The following AFF2 variants were observed in gnomAD, a reference collection of about 807,000 sequenced individuals.
The protein encoded by AFF2 is ALF transcription elongation factor 2, also known as AF4/FMR2 family member 2.
In AFF2, 14 loss-of-function variants were observed where a neutral mutation model predicts 76.9. That is an observed-to-expected ratio of 0.18 (90% CI 0.12 to 0.28). AFF2 has a LOEUF of 0.28. Among genes scored for constraint, AFF2 ranks in the 10% least tolerant of loss-of-function variants. The pLI is 1.00. For synonymous variants in AFF2, 398 were observed against 366.7 expected, an observed-to-expected ratio of 1.09 and a Z score of -0.98; for missense variants, 868 against 1,001.1, an observed-to-expected ratio of 0.87 and a Z score of 1.79.
intron 3 of AFF2, among the ~76,000 whole-genome samples, chrX:148,758,658 ATAT>A (rs782104235): frequency 2.7e-5 from 3 of 111,799 alleles, no homozygotes; most frequent in Non-Finnish European, 5.6e-5. Context: ...CCTTCTATAA[ATAT>A]TATAGAACGT....
chrX:148,510,546 C>T (rs2052471728), intron 1 of AFF2, among the ~76,000 whole-genome samples: 1 of 111,639 alleles, frequency 9.0e-6, no homozygotes, highest in African/African-American at 3.3e-5. Flanking sequence ...AGGACTTTAC[C>T]ACTCATCCTT....
intron 9 of AFF2, among the ~76,000 whole-genome samples, chrX:148,935,647 AGACGGGAAATCAG>A (rs1475252355): frequency 8.9e-6 from 1 of 111,770 alleles, no homozygotes; most frequent in African/African-American, 3.2e-5. Flanking sequence ...CCTAAAGGCC[AGACGGGAAATCAG>A]GACTTGGAAT....
intron 3 of AFF2, among the ~76,000 whole-genome samples, chrX:148,763,140 G>A (rs2069472135): frequency 8.9e-6 from 1 of 112,052 alleles, no homozygotes; most frequent in South Asian, 3.6e-4. Flanking sequence ...CATTTTATAG[G>A]TTAAAGGTAT....
intron 3 of AFF2, among the ~76,000 whole-genome samples, chrX:148,705,306 C>A (rs1213782080): frequency 6.2e-5 from 7 of 112,236 alleles, no homozygotes; most frequent in Admixed American, 5.7e-4. Flanking sequence ...TATAATTGCA[C>A]AAAGTCAAGG....
At chrX:148,559,487 A>G in intron 1 of AFF2, among the ~76,000 whole-genome samples, 1 of 110,918 alleles carries the variant, frequency 9.0e-6, no homozygotes, top group Non-Finnish European at 1.9e-5. Flanking sequence ...ATGTGTTCTC[A>G]TTGTTCAACA....
At chrX:148,899,045 A>G (rs782333961) in intron 8 of AFF2, among the ~76,000 whole-genome samples, 1 of 111,981 alleles carries the variant, frequency 8.9e-6, no homozygotes, top group Non-Finnish European at 1.9e-5. Context: ...TCAGGCATCC[A>G]TAATAATGGT....
At chrX:148,501,406 T>A (rs1557231831) in intron 1 of AFF2, among the ~76,000 whole-genome samples, 1 of 112,493 alleles carries the variant, frequency 8.9e-6, no homozygotes, top group Non-Finnish European at 1.9e-5. Flanking sequence ...TTGGCTCACA[T>A]CGAATTCGGT....
chrX:148,920,087 AG>A (rs1815841504), intron 9 of AFF2, among the ~76,000 whole-genome samples: 1 of 112,379 alleles, frequency 8.9e-6, no homozygotes, highest in South Asian at 3.7e-4. Context: ...TACAGTGTCC[AG>A]GTTAAGTCAA....
chrX:148,542,772 A>G (rs1381024445), intron 1 of AFF2, among the ~76,000 whole-genome samples: 1 of 112,146 alleles, frequency 8.9e-6, no homozygotes, highest in Non-Finnish European at 1.9e-5. Context: ...GCTAGAGCCT[A>G]GAGCGAGGAG....
rs781986258 is a variant in AFF2 at position 148,559,574 on chromosome X, G to A, written c.47+58430G>A. ...TTTGCTGAGAATGATGGTTTCCAGC[G>A]TCATCCATGTCCCTGCAAAGGACAT... On this transcript the variant is annotated intron_variant, in intron 1 of 20. Coordinates refer to ENST00000370460, the MANE Select transcript of AFF2 (RefSeq NM_002025.4). Among the ~76,000 whole-genome samples, 262 of 111,078 alleles carry A rather than the reference G, an allele frequency of 2.4e-3. 2 individuals are homozygous for A. The highest frequency in any genetic ancestry group is 3.7e-3 in the East Asian group (13 of 3,508).
In AFF2 at chrX:148,987,348, G is replaced by A; in HGVS notation, c.3624-19G>A. The A allele has an allele frequency of 1.7e-6, 2 of 1,195,709 alleles. No homozygotes were observed. On this transcript the variant is annotated intron_variant, in intron 19 of 20. Coordinates refer to ENST00000370460, the MANE Select transcript of AFF2 (RefSeq NM_002025.4). ...CTTTCCTACCAGCCTAACAAGGCTT[G>A]TCTCTTTCCATTTCCCAGGAACACT...
intron 9 of AFF2, among the ~76,000 whole-genome samples, chrX:148,944,167 G>A (rs913011555): frequency 8.9e-6 from 1 of 112,261 alleles, no homozygotes; most frequent in African/African-American, 3.2e-5. Context: ...AATTCAGCCC[G>A]CCATCTGCCT....
intron 7 of AFF2, among the ~76,000 whole-genome samples, chrX:148,870,031 A>G (rs1557277208): frequency 9.0e-6 from 1 of 111,410 alleles, no homozygotes; most frequent in Non-Finnish European, 1.9e-5. Context: ...GTAGGAACGC[A>G]ATTCACCCCC....
Position 148,530,790 on chromosome X carries a change from A to G in AFF2, c.47+29646A>G, listed in dbSNP as rs1348622487. Reference sequence around the variant, plus strand: ...AATTATATAAAATAAGTTGGACTACAACAAGTATATCCTATAGGTATGGTA... The same window carrying G: ...AATTATATAAAATAAGTTGGACTACGACAAGTATATCCTATAGGTATGGTA... On this transcript the variant is annotated intron_variant, in intron 1 of 20. Transcript: ENST00000370460. 2.7e-5 allele frequency among the ~76,000 whole-genome samples: 3 copies of G among 111,886 alleles called. No homozygotes were observed. In the East Asian group the frequency reaches 8.4e-4, roughly 31 times the overall value.
chrX:148,566,578 C>A (rs1481027659), intron 1 of AFF2, among the ~76,000 whole-genome samples: 1 of 110,915 alleles, frequency 9.0e-6, no homozygotes, highest in Non-Finnish European at 1.9e-5. Flanking sequence ...CACCTTCTGG[C>A]TGGATTACTT....
chrX:148,961,412 T>C (rs981770833), intron 12 of AFF2, among the ~76,000 whole-genome samples: 1 of 112,776 alleles, frequency 8.9e-6, no homozygotes, highest in Non-Finnish European at 1.9e-5. Flanking sequence ...AAAATGGTTA[T>C]ACATGTCAAA....
rs190860236 is a variant in AFF2 at position 148,516,897 on chromosome X, G to T, written c.47+15753G>T. Among the ~76,000 whole-genome samples, 34 of 111,821 alleles carry T rather than the reference G, an allele frequency of 3.0e-4. No homozygotes were observed. The East Asian group carries it at 8.7e-3, about 29-fold the overall frequency. On this transcript the variant is annotated intron_variant, in intron 1 of 20. Coordinates refer to ENST00000370460, the MANE Select transcript of AFF2 (RefSeq NM_002025.4). ...TTTCATCCTGTAAGGGGGAGATTGG[G>T]TCCTAGTATTATTCATTCCACTCTA...
chrX:148,572,754 AGGGGAGAATG>A (rs2053243988), intron 1 of AFF2, among the ~76,000 whole-genome samples: 1 of 111,290 alleles, frequency 9.0e-6, no homozygotes, highest in African/African-American at 3.3e-5. Flanking sequence ...GGCTGCTGGG[AGGGGAGAATG>A]TAGAGTGACT....
At chrX:148,614,739 TTTC>T (rs2053774671) in intron 1 of AFF2, among the ~76,000 whole-genome samples, 1 of 23,874 alleles carries the variant, frequency 4.2e-5, no homozygotes, top group Non-Finnish European at 7.6e-5. Context: ...CTTTCCTTCT[TTTC>T]TTTCTTTCTT....
Sources: gnomAD v4.1 joint callset for allele counts (sites outside exome capture counted in the v4.1 genomes callset) on GRCh38, gnomAD v4.1.1 for gene constraint, MANE v1.5 for transcripts, NCBI Gene and HGNC (gene_info 2026-07-23, HGNC 2026-07-21) for gene names.